SPIDR: variants seen among roughly 807,000 people sequenced by gnomAD.
SPIDR encodes DNA repair-scaffolding protein.
Under a neutral mutation model 104.6 loss-of-function variants are expected in SPIDR, and 93 were observed. The ratio of observed to expected loss-of-function variants is 0.89; its 90% CI spans 0.75 to 1.06. The LOEUF (loss-of-function observed/expected upper bound fraction) is 1.06. SPIDR is among the 50% of genes least tolerant of loss of function. The pLI is 0.00. For synonymous variants in SPIDR, 431 were observed against 416.9 expected, an observed-to-expected ratio of 1.03 and a Z score of -0.41; for missense variants, 1,154 against 1,111.2, an observed-to-expected ratio of 1.04 and a Z score of -0.55.
chr8:47,272,459 A>G (rs2035532610), intron 1 of SPIDR, among the ~76,000 whole-genome samples: 1 of 152,144 alleles, frequency 6.6e-6, no homozygotes, highest in African/African-American at 2.4e-5. Flanking sequence ...GCTAATGAAG[A>G]CATTATGTGG....
chr8:47,600,531 T>C (rs2062143150), intron 10 of SPIDR, among the ~76,000 whole-genome samples: 1 of 152,182 alleles, frequency 6.6e-6, no homozygotes, highest in South Asian at 2.1e-4. Context: ...AATGTTTCTT[T>C]TGGAATTACA....
intron 1 of SPIDR, among the ~76,000 whole-genome samples, chr8:47,267,965 A>G (rs374076741): frequency 5.3e-5 from 8 of 152,274 alleles, no homozygotes; most frequent in African/African-American, 1.9e-4. Flanking sequence ...TTACAGTTTT[A>G]GCTCTTACAT....
intron 11 of SPIDR, among the ~76,000 whole-genome samples, chr8:47,689,532 A>G (rs970846201): frequency 1.3e-5 from 2 of 152,242 alleles, no homozygotes; most frequent in African/African-American, 2.4e-5. Context: ...ACTCTATGCC[A>G]TACAACTGGA....
chr8:47,396,286 G>GGGAAT, intron 5 of SPIDR, 90 bp from the exon 6 acceptor site: 1 of 1,106,838 alleles, frequency 9.0e-7, no homozygotes, highest in Non-Finnish European at 1.3e-6. Flanking sequence ...GTAACTGTAA[G>GGGAAT]GGAATGGAAT....
At chr8:47,529,865 G>C (rs2085644037) in intron 8 of SPIDR, among the ~76,000 whole-genome samples, 2 of 152,190 alleles carry the variant, frequency 1.3e-5, no homozygotes, top group Non-Finnish European at 1.5e-5. Flanking sequence ...GAGTTGCATA[G>C]TGTTATTTAA....
chr8:47,717,167 TGGCAGTG>T (rs2082707142), intron 16 of SPIDR, among the ~76,000 whole-genome samples: 1 of 152,144 alleles, frequency 6.6e-6, no homozygotes. Context: ...TGTGTGCCTT[TGGCAGTG>T]ACCCATCGCT....
intron 8 of SPIDR, among the ~76,000 whole-genome samples, chr8:47,445,504 A>G (rs965503284): frequency 2.0e-5 from 3 of 152,296 alleles, no homozygotes; most frequent in East Asian, 1.9e-4. Context: ...AATCTGGCCA[A>G]TTAATCGCCC....
chr8:47,279,910 C>A lies in SPIDR; in HGVS notation c.82C>A (p.Pro28Thr). 3 of 1,613,854 alleles carry A rather than the reference C, an allele frequency of 1.9e-6. No individual in the cohort carries two copies. The highest frequency in any genetic ancestry group is 2.5e-6 in the Non-Finnish European group (3 of 1,179,822). ...TECPSFPGER[P>T]LQVRRAGLRT... ...ATGCCCATCCTTTCCAGGAGAAAGACCACTGCAGGTCAGAAGAGCAGGTCT... is the reference window on the plus strand; with the variant it reads ...ATGCCCATCCTTTCCAGGAGAAAGAACACTGCAGGTCAGAAGAGCAGGTCT... Residue 28 changes from proline to threonine, a missense_variant, in exon 2 of 20, where the codon CCA (proline) becomes ACA (threonine). By Grantham distance (38) the Pro-to-Thr change is conservative. Transcript: ENST00000297423.
At chr8:47,505,718 G>A (rs1257594840) in intron 8 of SPIDR, among the ~76,000 whole-genome samples, 5 of 152,204 alleles carry the variant, frequency 3.3e-5, no homozygotes, top group African/African-American at 1.2e-4. Context: ...GCTGGGAGCT[G>A]TAGACTGGAG....
intron 8 of SPIDR, among the ~76,000 whole-genome samples, chr8:47,595,455 T>C (rs1209224595): frequency 1.3e-5 from 2 of 151,610 alleles, no homozygotes; most frequent in African/African-American, 4.9e-5. Flanking sequence ...GAAGGTTTTA[T>C]TTGTACATTT....
intron 19 of SPIDR, chr8:47,732,122 T>G (rs2085346286): frequency 1.4e-6 from 1 of 702,386 alleles, no homozygotes; most frequent in African/African-American, 1.7e-5. Context: ...TCCCCACCCC[T>G]CTTTAGAGAT....
chr8:47,644,635 A>G (rs2069932619), intron 10 of SPIDR, among the ~76,000 whole-genome samples: 1 of 152,348 alleles, frequency 6.6e-6, no homozygotes, highest in East Asian at 1.9e-4. Context: ...TTATGATGGT[A>G]TCTCCTTATG....
At chr8:47,727,540 T>G (rs1002178412) in intron 17 of SPIDR, among the ~76,000 whole-genome samples, 2 of 152,178 alleles carry the variant, frequency 1.3e-5, no homozygotes, top group African/African-American at 4.8e-5. Flanking sequence ...CCCCACCTCC[T>G]TTATTATCAG....
At chr8:47,571,935 A>C (rs1364082583) in intron 8 of SPIDR, among the ~76,000 whole-genome samples, 1 of 152,182 alleles carries the variant, frequency 6.6e-6, no homozygotes, top group African/African-American at 2.4e-5. Context: ...GGATGAGAGA[A>C]CACTGTATTA....
At chr8:47,397,622 G>A (rs981514325) in intron 6 of SPIDR, among the ~76,000 whole-genome samples, 46 of 152,274 alleles carry the variant, frequency 3.0e-4, no homozygotes, top group African/African-American at 8.7e-4. Flanking sequence ...CATGAAGAGC[G>A]TAGGTGTTGG....
intron 5 of SPIDR, among the ~76,000 whole-genome samples, chr8:47,380,024 C>T (rs1554644527): frequency 3.3e-5 from 5 of 152,196 alleles, no homozygotes; most frequent in African/African-American, 9.7e-5. Flanking sequence ...AATTCTTTGC[C>T]TTGAATAAAA....
intron 10 of SPIDR, among the ~76,000 whole-genome samples, chr8:47,647,337 A>G (rs1490978970): frequency 6.6e-6 from 1 of 152,144 alleles, no homozygotes; most frequent in Non-Finnish European, 1.5e-5. Flanking sequence ...AAGTAAGCCC[A>G]GGCGCAGTGG....
At chr8:47,399,109 A>T (rs959801811) in intron 6 of SPIDR, among the ~76,000 whole-genome samples, 9 of 152,262 alleles carry the variant, frequency 5.9e-5, no homozygotes, top group Middle Eastern at 3.4e-3. Context: ...AGTGAATGTG[A>T]GGGTCAAGGT....
At chr8:47,615,610 A>G (rs1037119291) in intron 10 of SPIDR, among the ~76,000 whole-genome samples, 1 of 151,730 alleles carries the variant, frequency 6.6e-6, no homozygotes, top group Non-Finnish European at 1.5e-5. Context: ...GTAGCTGGGA[A>G]TACAGGTGCA....
Sources: allele counts gnomAD v4.1 joint callset (sites outside exome capture counted in the v4.1 genomes callset), GRCh38; gene constraint gnomAD v4.1.1; transcripts MANE v1.5; gene names NCBI Gene and HGNC (gene_info 2026-07-23, HGNC 2026-07-21).